The following CNTNAP2 variants were observed in gnomAD, a reference collection of about 807,000 sequenced individuals.
CNTNAP2 encodes the protein contactin associated protein 2.
A neutral mutation model predicts 155.2 loss-of-function variants in CNTNAP2; 98 were observed. The observed-to-expected ratio is 0.63, with a 90% CI of 0.54 to 0.75. The LOEUF is 0.75. Ranked by LOEUF, CNTNAP2 falls within the 30% of genes least tolerant of loss-of-function variation. CNTNAP2 has a pLI of 0.00. For synonymous variants in CNTNAP2, 651 were observed against 631.2 expected (o/e 1.03, Z -0.47); for missense variants, 1,727 against 1,688.1 (o/e 1.02, Z -0.40).
chr7:147,074,281 T>C (rs116159592), intron 4 of CNTNAP2, among the ~76,000 whole-genome samples: 7,591 of 152,180 alleles, frequency 0.05, 476 homozygotes, highest in African/African-American at 0.15. Context: ...TGGCCTATGC[T>C]ATGGGTTCAG....
chr7:147,399,182 A>C (rs1796872363), intron 10 of CNTNAP2, among the ~76,000 whole-genome samples: 1 of 152,128 alleles, frequency 6.6e-6, no homozygotes, highest in South Asian at 2.1e-4. Flanking sequence ...AATAGACGCC[A>C]GAACAAGCCC....
At chr7:147,139,070 T>C (rs929913372) in intron 8 of CNTNAP2, among the ~76,000 whole-genome samples, 1 of 151,914 alleles carries the variant, frequency 6.6e-6, no homozygotes, top group Non-Finnish European at 1.5e-5. Flanking sequence ...AAAAATAATA[T>C]ATGCATGTAG....
At chr7:147,523,247 C>T (rs1422041395) in intron 11 of CNTNAP2, among the ~76,000 whole-genome samples, 2 of 152,158 alleles carry the variant, frequency 1.3e-5, no homozygotes, top group East Asian at 3.9e-4. Flanking sequence ...CATGGAGCCT[C>T]GTCATGGGGC....
intron 13 of CNTNAP2, among the ~76,000 whole-genome samples, chr7:147,763,386 T>G (rs982294322): frequency 4.7e-5 from 7 of 150,418 alleles, no homozygotes; most frequent in South Asian, 2.1e-4. Context: ...TTGGGAGAAA[T>G]GAGAGGGAGA....
intron 13 of CNTNAP2, among the ~76,000 whole-genome samples, chr7:147,853,595 C>T (rs1798986881): frequency 6.6e-6 from 1 of 152,160 alleles, no homozygotes; most frequent in Non-Finnish European, 1.5e-5. Context: ...ACTAATTAAG[C>T]TGCTTTGCCC....
rs142976482 is a variant in CNTNAP2 at position 147,871,694 on chromosome 7, A to G, written c.2099-31871A>G. Among the ~76,000 whole-genome samples the G allele has an allele frequency of 6.7e-3, 931 of 139,390 alleles. 1 individual carries two copies. Among genetic ancestry groups the G allele is most frequent in the Admixed American group, 0.011 (142 of 13,510 alleles). 91.4% of individuals were successfully genotyped at this position (139,390 alleles called of 152,430 possible). ...TTTTTTTGCCCCTTTTTTTAACCCTATCTTCATTCTTGAGTTCATTCCTGC... is the reference window on the plus strand; with the variant it reads ...TTTTTTTGCCCCTTTTTTTAACCCTGTCTTCATTCTTGAGTTCATTCCTGC... On this transcript the variant is annotated intron_variant, in intron 13 of 23. Transcript: ENST00000361727.
At chr7:146,250,042 A>G (rs1315331344) in intron 1 of CNTNAP2, among the ~76,000 whole-genome samples, 1 of 152,200 alleles carries the variant, frequency 6.6e-6, no homozygotes, top group Non-Finnish European at 1.5e-5. Context: ...TAATCATTCT[A>G]GAACACCAGC....
At chr7:146,943,391 C>A (rs1471118679) in intron 3 of CNTNAP2, among the ~76,000 whole-genome samples, 1 of 152,138 alleles carries the variant, frequency 6.6e-6, no homozygotes, top group Non-Finnish European at 1.5e-5. Context: ...ACTAGGCAGG[C>A]TGAGGCAAGA....
intron 4 of CNTNAP2, among the ~76,000 whole-genome samples, chr7:147,069,137 A>G (rs1406708010): frequency 1.3e-5 from 2 of 152,212 alleles, no homozygotes; most frequent in African/African-American, 4.8e-5. Flanking sequence ...GGAAGGGCAC[A>G]GAGCCATTTA....
intron 13 of CNTNAP2, among the ~76,000 whole-genome samples, chr7:147,700,235 T>A (rs533065610): frequency 4.9e-4 from 75 of 152,304 alleles, no homozygotes; most frequent in African/African-American, 1.8e-3. Flanking sequence ...AAGGATATGA[T>A]GCTATAATTT....
intron 21 of CNTNAP2, among the ~76,000 whole-genome samples, chr7:148,298,220 C>T (rs989764066): frequency 2.6e-5 from 4 of 152,096 alleles, no homozygotes; most frequent in African/African-American, 9.7e-5. Context: ...TTGGATGGTG[C>T]TAGTGGATGG....
chr7:147,468,855 C>T (rs144529488), intron 10 of CNTNAP2, among the ~76,000 whole-genome samples: 40 of 145,370 alleles, frequency 2.8e-4, no homozygotes, highest in African/African-American at 9.3e-4. Flanking sequence ...TTTTTTTTTC[C>T]CCCCAGACAG....
intron 13 of CNTNAP2, among the ~76,000 whole-genome samples, chr7:147,836,995 A>G (rs1271532649): frequency 6.6e-6 from 1 of 152,216 alleles, no homozygotes. Flanking sequence ...AAGCATAGCT[A>G]AAAGGGACTC....
At chr7:146,337,400 A>G (rs1801294930) in intron 1 of CNTNAP2, among the ~76,000 whole-genome samples, 1 of 152,176 alleles carries the variant, frequency 6.6e-6, no homozygotes, top group African/African-American at 2.4e-5. Flanking sequence ...TAAATAGAAA[A>G]TCAGTTAACA....
At chr7:146,792,688 T>C (rs1382667619) in intron 2 of CNTNAP2, among the ~76,000 whole-genome samples, 1 of 152,188 alleles carries the variant, frequency 6.6e-6, no homozygotes, top group African/African-American at 2.4e-5. Context: ...TTAGAGACTC[T>C]GAGATGGTGA....
At chr7:147,140,186 C>G (rs1000322405) in intron 8 of CNTNAP2, among the ~76,000 whole-genome samples, 2 of 152,040 alleles carry the variant, frequency 1.3e-5, no homozygotes, top group African/African-American at 2.4e-5. Context: ...TACTGATGAC[C>G]TGCCTAGATG....
chr7:147,055,407 A>C (rs1799541639), intron 4 of CNTNAP2, among the ~76,000 whole-genome samples: 1 of 152,192 alleles, frequency 6.6e-6, no homozygotes, highest in Non-Finnish European at 1.5e-5. Context: ...AAGAAGAAAA[A>C]GCCTGAGGAA....
intron 13 of CNTNAP2, among the ~76,000 whole-genome samples, chr7:147,691,444 TA>T (rs1796086269): frequency 6.6e-6 from 1 of 152,134 alleles, no homozygotes; most frequent in Admixed American, 6.6e-5. Context: ...CACAGAGAGA[TA>T]ATACATGTTA....
At chr7:147,144,764 T>TAC (rs1801667394) in intron 8 of CNTNAP2, among the ~76,000 whole-genome samples, 1 of 152,226 alleles carries the variant, frequency 6.6e-6, no homozygotes, top group South Asian at 2.1e-4. Context: ...ATAAGTTTAT[T>TAC]ACATAGAATA....
Sources: gnomAD v4.1 joint callset for allele counts (sites outside exome capture counted in the v4.1 genomes callset) on GRCh38, gnomAD v4.1.1 for gene constraint, MANE v1.5 for transcripts, NCBI Gene and HGNC (gene_info 2026-07-23, HGNC 2026-07-21) for gene names.